The following BMPR1B variants were observed in gnomAD, a reference collection of about 807,000 sequenced individuals.
BMPR1B encodes bone morphogenetic protein receptor type-1B.
In BMPR1B, 12 loss-of-function variants were observed where a neutral mutation model predicts 59.1. That is an observed-to-expected ratio of 0.20 (90% CI 0.13 to 0.33). The LOEUF is 0.33. Ranked by LOEUF, BMPR1B falls within the 10% of genes least tolerant of loss-of-function variation. The pLI is 1.00. For synonymous variants in BMPR1B, 237 were observed against 207.3 expected, an observed-to-expected ratio of 1.14 and a Z score of -1.23; for missense variants, 550 against 610.9, an observed-to-expected ratio of 0.90 and a Z score of 1.05.
At chr4:94,887,262 TA>T (rs1278575061) in intron 2 of BMPR1B, among the ~76,000 whole-genome samples, 1 of 150,004 alleles carries the variant, frequency 6.7e-6, no homozygotes, top group Non-Finnish European at 1.5e-5. Flanking sequence ...GCCTTTAAAC[TA>T]GGAATTGTGT....
chr4:94,792,542 G>C (rs1271184143), intron 1 of BMPR1B, among the ~76,000 whole-genome samples: 1 of 151,860 alleles, frequency 6.6e-6, no homozygotes, highest in East Asian at 1.9e-4. Flanking sequence ...TGAAAAATGA[G>C]AATTATGTCC....
intron 2 of BMPR1B, among the ~76,000 whole-genome samples, chr4:94,946,975 C>T (rs533745366): frequency 3.3e-5 from 5 of 152,100 alleles, no homozygotes; most frequent in Non-Finnish European, 5.9e-5. Context: ...TCGCCTGAAC[C>T]GGGGAGGCAG....
chr4:94,853,346 G>A (rs1725633535), intron 1 of BMPR1B, among the ~76,000 whole-genome samples: 1 of 152,076 alleles, frequency 6.6e-6, no homozygotes, highest in Admixed American at 6.6e-5. Flanking sequence ...GTAAAGCTAA[G>A]AATACAAACC....
chr4:95,013,050 G>C (rs1723333237), intron 3 of BMPR1B, among the ~76,000 whole-genome samples: 4 of 151,474 alleles, frequency 2.6e-5, no homozygotes, highest in African/African-American at 9.7e-5. Flanking sequence ...TTTTTTTAAT[G>C]TTTTGTCTTA....
At position 95,103,235 on chromosome 4, in the gene BMPR1B, T is replaced by TA. The variant is rs897298877; in HGVS notation, c.-17-1165dup. ...AAGGTCAGGAAAAATTATCACAGAT[T>TA]AAAAAAAATAGACTTCTAATTCTCT... On this transcript the variant is annotated intron_variant, in intron 3 of 12. Transcript: ENST00000515059. Among the ~76,000 whole-genome samples the TA allele has an allele frequency of 5.9e-5, 9 of 151,932 alleles. No homozygotes were observed. In the South Asian group the frequency reaches 1.9e-3, roughly 32 times the overall value.
intron 3 of BMPR1B, among the ~76,000 whole-genome samples, chr4:95,097,362 G>A (rs1263611786): frequency 6.6e-6 from 1 of 151,022 alleles, no homozygotes; most frequent in Non-Finnish European, 1.5e-5. Context: ...TTCCTGAAAG[G>A]GTAATTTTTC....
rs1241328143 is a variant in BMPR1B at position 95,104,581 on chromosome 4, A to G, written c.143+14A>G. The G allele has an allele frequency of 6.2e-7, 1 of 1,613,022 alleles. No homozygotes were observed. Among genetic ancestry groups the G allele is most frequent in the Non-Finnish European group, 8.5e-7 (1 of 1,179,340 alleles). ...CAATATTTGCAGGTTGGTGATATAA[A>G]TGATTTAAAGCTAGCTTTAACAAAA... On this transcript the variant is annotated intron_variant, in intron 4 of 12. Coordinates refer to ENST00000515059, the MANE Select transcript of BMPR1B (RefSeq NM_001203.3).
chr4:94,919,434 T>A (rs779030188), intron 2 of BMPR1B, among the ~76,000 whole-genome samples: 2 of 152,198 alleles, frequency 1.3e-5, no homozygotes, highest in Non-Finnish European at 2.9e-5. Context: ...CACAAACCAA[T>A]ACTTATCCTT....
intron 6 of BMPR1B, among the ~76,000 whole-genome samples, chr4:95,118,703 C>T (rs1732251300): frequency 6.6e-6 from 1 of 152,158 alleles, no homozygotes; most frequent in Non-Finnish European, 1.5e-5. Flanking sequence ...TGGAACTGTT[C>T]ACTTTCTGAG....
chr4:94,849,103 C>A (rs1308582195), intron 1 of BMPR1B, among the ~76,000 whole-genome samples: 1 of 152,040 alleles, frequency 6.6e-6, no homozygotes, highest in Non-Finnish European at 1.5e-5. Context: ...TGGTACAAGA[C>A]CATGTAGGGA....
chr4:95,074,765 T>G (rs1403235725), intron 3 of BMPR1B, among the ~76,000 whole-genome samples: 1 of 152,040 alleles, frequency 6.6e-6, no homozygotes, highest in African/African-American at 2.4e-5. Context: ...TCTAGGTAAA[T>G]TACTGTTATT....
At chr4:94,878,196 T>C (rs1469209739) in intron 2 of BMPR1B, among the ~76,000 whole-genome samples, 12 of 152,228 alleles carry the variant, frequency 7.9e-5, no homozygotes, top group Admixed American at 4.6e-4. Context: ...ATGACTAATA[T>C]TTGTTTCAGG....
intron 2 of BMPR1B, among the ~76,000 whole-genome samples, chr4:94,904,226 G>A (rs941965792): frequency 3.3e-5 from 5 of 151,852 alleles, no homozygotes; most frequent in African/African-American, 7.2e-5. Context: ...GTAGAAATGC[G>A]TTCCGTTGCA....
chr4:94,905,020 C>G (rs529326747), intron 2 of BMPR1B, among the ~76,000 whole-genome samples: 72 of 152,058 alleles, frequency 4.7e-4, no homozygotes, highest in African/African-American at 1.7e-3. Context: ...TTTTGGCAAA[C>G]ACCATGAGAA....
intron 2 of BMPR1B, among the ~76,000 whole-genome samples, chr4:94,985,509 CTGTGTGTGTGTGTGTGTGTGTGTGTG>C (rs60003954): frequency 4.3e-5 from 6 of 138,792 alleles, no homozygotes; most frequent in Admixed American, 2.2e-4. Flanking sequence ...AAAATAAGAG[CTGTGTGTGTGTGTGTGTGTGTGTGTG>C]TGTGTGTGTG....
chr4:95,007,812 G>A (rs1162967546), intron 3 of BMPR1B, among the ~76,000 whole-genome samples: 4 of 152,104 alleles, frequency 2.6e-5, no homozygotes, highest in Non-Finnish European at 4.4e-5. Context: ...TGCAATATAT[G>A]AAAATATAAA....
intron 2 of BMPR1B, among the ~76,000 whole-genome samples, chr4:94,975,157 A>AG (rs1212582045): frequency 6.6e-6 from 1 of 152,016 alleles, no homozygotes; most frequent in Non-Finnish European, 1.5e-5. Context: ...GGTGAGTAGG[A>AG]GGGGCATGTG....
intron 10 of BMPR1B, among the ~76,000 whole-genome samples, chr4:95,135,908 G>T (rs1272089260): frequency 6.6e-6 from 1 of 152,134 alleles, no homozygotes; most frequent in Non-Finnish European, 1.5e-5. Context: ...TGTCGAATAG[G>T]AGTGCTGAGA....
chr4:95,122,470 G>A (rs971924598), intron 6 of BMPR1B, among the ~76,000 whole-genome samples: 4 of 152,088 alleles, frequency 2.6e-5, no homozygotes, highest in Admixed American at 1.3e-4. Context: ...CATTATGTAT[G>A]TATTAAAATA....
Sources: allele counts gnomAD v4.1 joint callset (sites outside exome capture counted in the v4.1 genomes callset), GRCh38; gene constraint gnomAD v4.1.1; transcripts MANE v1.5; gene names NCBI Gene and HGNC (gene_info 2026-07-23, HGNC 2026-07-21).